The following NOL4 variants were observed in gnomAD, a reference collection of about 807,000 sequenced individuals.
NOL4 encodes the protein cancer/testis antigen 125.
Under a neutral mutation model 75.9 loss-of-function variants are expected in NOL4, and 17 were observed. That is an observed-to-expected ratio of 0.22 (90% CI 0.15 to 0.34). The LOEUF is 0.34. NOL4 is among the 10% of genes least tolerant of loss of function. The probability of loss-of-function intolerance (pLI) is 1.00; values close to 1 mark genes in which losing one functional copy is unlikely to be tolerated. For synonymous variants in NOL4, 292 were observed against 289.9 expected, an observed-to-expected ratio of 1.01 and a Z score of -0.07; for missense variants, 614 against 793.5, an observed-to-expected ratio of 0.77 and a Z score of 2.72.
chr18:34,210,897 T>C (rs2036466759), intron 1 of NOL4, among the ~76,000 whole-genome samples: 1 of 152,192 alleles, frequency 6.6e-6, no homozygotes, highest in African/African-American at 2.4e-5. Flanking sequence ...AATAGATATA[T>C]AATTTGTTTA....
chr18:34,107,452 A>G (rs2079351811), intron 2 of NOL4, among the ~76,000 whole-genome samples: 1 of 152,064 alleles, frequency 6.6e-6, no homozygotes, highest in South Asian at 2.1e-4. Context: ...TACATAAGAT[A>G]AAAGCGCTTA....
intron 10 of NOL4, among the ~76,000 whole-genome samples, chr18:33,863,081 C>T (rs2063240592): frequency 1.3e-5 from 2 of 152,162 alleles, no homozygotes; most frequent in South Asian, 4.1e-4. Context: ...CCATGGAATA[C>T]TATGCAGCCA....
At chr18:34,139,286 G>C (rs560304944) in intron 1 of NOL4, among the ~76,000 whole-genome samples, 3 of 152,064 alleles carry the variant, frequency 2.0e-5, no homozygotes, top group African/African-American at 7.2e-5. Flanking sequence ...AGTAGAATTC[G>C]GCTGTGAATC....
chr18:34,215,779 G>A (rs767216840), intron 1 of NOL4, among the ~76,000 whole-genome samples: 10 of 152,082 alleles, frequency 6.6e-5, no homozygotes. Flanking sequence ...GACACCCTCT[G>A]CCCCTGAAAA....
At chr18:33,956,405 C>T (rs770327209) in intron 8 of NOL4, among the ~76,000 whole-genome samples, 3 of 152,124 alleles carry the variant, frequency 2.0e-5, no homozygotes, top group Non-Finnish European at 2.9e-5. Context: ...TTGGTACAGA[C>T]ATACTCTGAA....
rs200403394 is a variant in NOL4, at chr18:34,129,947, T to A, written c.338A>T (p.Tyr113Phe). The A allele has an allele frequency of 1.9e-6, 3 of 1,600,562 alleles. No homozygotes were observed. The highest frequency in any genetic ancestry group is 1.7e-6 in the Non-Finnish European group (2 of 1,172,790). Residue 113 changes from tyrosine to phenylalanine, a missense_variant, in exon 2 of 11, where the codon TAT becomes TTT. Coordinates refer to ENST00000261592, the MANE Select transcript of NOL4 (RefSeq NM_003787.5). ...TGGCCCCGTTTCCACATGCATCGAA[T>A]AAATAATGTCAAAGAAATCTTCAAC... is the stretch of plus-strand genomic sequence containing the variant. Reference protein sequence around the residue: ...AVVEDFFDIIYSMHVETGPNG... With the variant: ...AVVEDFFDIIFSMHVETGPNG...
chr18:33,864,000 C>G (rs1360344679), intron 10 of NOL4, among the ~76,000 whole-genome samples: 1 of 152,208 alleles, frequency 6.6e-6, no homozygotes, highest in African/African-American at 2.4e-5. Flanking sequence ...ACTGCATCCC[C>G]TGAAGCAATG....
chr18:33,891,742 T>A (rs1006522887), intron 9 of NOL4, among the ~76,000 whole-genome samples: 7 of 152,214 alleles, frequency 4.6e-5, no homozygotes, highest in Admixed American at 4.6e-4. Flanking sequence ...TGATCTCTTG[T>A]ATGGTAGAAT....
At chr18:34,020,856 A>G (rs1297758624) in intron 5 of NOL4, among the ~76,000 whole-genome samples, 1 of 152,206 alleles carries the variant, frequency 6.6e-6, no homozygotes, top group Non-Finnish European at 1.5e-5. Flanking sequence ...TTTAAAAATT[A>G]TGATGGAAAA....
intron 6 of NOL4, among the ~76,000 whole-genome samples, chr18:33,992,725 G>A (rs370411319): frequency 5.9e-5 from 9 of 152,102 alleles, no homozygotes; most frequent in African/African-American, 2.2e-4. Context: ...GGTAAATGTA[G>A]TCAAAGTGGG....
intron 9 of NOL4, among the ~76,000 whole-genome samples, chr18:33,925,887 T>C (rs2067295220): frequency 1.3e-5 from 2 of 152,234 alleles, no homozygotes; most frequent in African/African-American, 4.8e-5. Context: ...AAAATAAATT[T>C]GTTGAGCTAA....
intron 1 of NOL4, among the ~76,000 whole-genome samples, chr18:34,205,295 G>A (rs2036044633): frequency 6.6e-6 from 1 of 152,060 alleles, no homozygotes; most frequent in Non-Finnish European, 1.5e-5. Context: ...AGTAGATAAA[G>A]AGACATGAAA....
Position 34,012,418 on chromosome 18 carries a change from A to C in NOL4, c.1056+6900T>G, listed in dbSNP as rs149602557. Among the ~76,000 whole-genome samples, 419 of 152,052 alleles carry C rather than the reference A, an allele frequency of 2.8e-3. 4 individuals carry two copies. Among genetic ancestry groups the C allele is most frequent in the African/African-American group, 9.8e-3 (407 of 41,538 alleles). On this transcript the variant is annotated intron_variant, in intron 6 of 10. Coordinates refer to ENST00000261592, the MANE Select transcript of NOL4 (RefSeq NM_003787.5). ...TCATTTTATTTTTAAAAAATCTACT[A>C]AGAACATAATAAAAAAATGTATCCA...
At chr18:33,936,406 AG>A (rs1242140226) in intron 9 of NOL4, among the ~76,000 whole-genome samples, 5 of 109,186 alleles carry the variant, frequency 4.6e-5, no homozygotes, top group Admixed American at 1.9e-4. Flanking sequence ...ATTAGCAGTG[AG>A]TTTTTTTTTT....
intron 4 of NOL4, among the ~76,000 whole-genome samples, chr18:34,101,361 G>C (rs1336131863): frequency 6.6e-6 from 1 of 152,122 alleles, no homozygotes; most frequent in African/African-American, 2.4e-5. Flanking sequence ...CTGTGATATA[G>C]CTCAGGTACA....
rs1274915355 is a variant in NOL4 at position 34,019,382 on chromosome 18, T to G, written c.992A>C (p.Lys331Thr). 6.2e-7 allele frequency: 1 copy of G among 1,613,954 alleles called. No individual in the cohort carries two copies. The highest frequency in any genetic ancestry group is 1.3e-5 in the African/African-American group (1 of 74,928). ...IDDHNSNGKN[K>T]YKNLLISDLK... ...GTCAGAAATTAGAAGATTCTTATAC[T>G]TGTTTTTCCCATTACTGTTGTGATC... Residue 331 changes from lysine (K) to threonine (T), a missense_variant, in exon 6 of 11, where the codon AAG (lysine) becomes ACG (threonine). By Grantham distance (78) the Lys-to-Thr change is moderately conservative. Around this residue, in one of 9 missense-constraint regions of NOL4, gnomAD observed 196 missense variants for 167.9 expected, o/e 1.17. Transcript: ENST00000261592.
intron 6 of NOL4, among the ~76,000 whole-genome samples, chr18:33,970,915 T>C (rs573471251): frequency 6.6e-6 from 1 of 152,296 alleles, no homozygotes; most frequent in East Asian, 1.9e-4. Context: ...GGGCCTGCTA[T>C]GAGTTTATGT....
intron 1 of NOL4, chr18:34,222,019 C>A: frequency 6.5e-7 from 1 of 1,535,268 alleles, no homozygotes; most frequent in Non-Finnish European, 8.7e-7. Context: ...CGAGTACCCA[C>A]CGTGGCATGA....
At chr18:33,959,467 C>T (rs1325732769) in intron 6 of NOL4, among the ~76,000 whole-genome samples, 2 of 151,994 alleles carry the variant, frequency 1.3e-5, no homozygotes, top group African/African-American at 2.4e-5. Flanking sequence ...GAGCTTGAAT[C>T]AGCCATGTAC....
Sources: allele counts gnomAD v4.1 joint callset (sites outside exome capture counted in the v4.1 genomes callset), GRCh38; gene constraint gnomAD v4.1.1; regional missense constraint gnomAD v4.1.1; transcripts MANE v1.5; gene names NCBI Gene and HGNC (gene_info 2026-07-23, HGNC 2026-07-21).